The following LINGO1 variants were observed in gnomAD, a reference collection of about 807,000 sequenced individuals.
LINGO1 encodes leucine rich repeat and Ig domain containing 1, also known as leucine-rich repeat and immunoglobulin-like domain-containing nogo receptor-interacting protein 1.
A neutral mutation model predicts 37.3 loss-of-function variants in LINGO1; 11 were observed. That is an observed-to-expected ratio of 0.29 (90% CI 0.19 to 0.49). The LOEUF (loss-of-function observed/expected upper bound fraction) is 0.49. Among genes scored for constraint, LINGO1 ranks in the 20% least tolerant of loss-of-function variants. The probability of loss-of-function intolerance (pLI) is 0.99; values close to 1 mark genes in which losing one functional copy is unlikely to be tolerated. For synonymous variants in LINGO1, 387 were observed against 403.0 expected (o/e 0.96, Z 0.48); for missense variants, 585 against 878.2 (o/e 0.67, Z 4.22).
chr15:77,717,911 A>G (rs1397159606), intron 2 of LINGO1, among the ~76,000 whole-genome samples: 1 of 150,978 alleles, frequency 6.6e-6, no homozygotes, highest in Non-Finnish European at 1.5e-5. Context: ...CTGCTCCATC[A>G]TCAGCTCATC....
intron 1 of LINGO1, among the ~76,000 whole-genome samples, chr15:77,752,306 CTT>C (rs1442537874): frequency 2.0e-5 from 3 of 152,244 alleles, no homozygotes; most frequent in African/African-American, 7.2e-5. Flanking sequence ...ACAGTAAAGA[CTT>C]TTGTCCTAAA....
intron 1 of LINGO1, among the ~76,000 whole-genome samples, chr15:77,691,727 T>C (rs974687136): frequency 6.6e-6 from 1 of 151,940 alleles, no homozygotes; most frequent in Non-Finnish European, 1.5e-5. Flanking sequence ...ACGACAGAGA[T>C]GACGGAGCAA....
intron 2 of LINGO1, among the ~76,000 whole-genome samples, chr15:77,733,011 T>A (rs1017092447): frequency 2.0e-5 from 3 of 152,180 alleles, no homozygotes; most frequent in African/African-American, 7.2e-5. Flanking sequence ...CTGAATGGCA[T>A]CCCTTCCACT....
At chr15:77,775,833 G>A (rs1345573161) in intron 1 of LINGO1, among the ~76,000 whole-genome samples, 6 of 152,156 alleles carry the variant, frequency 3.9e-5, no homozygotes, top group African/African-American at 1.2e-4. Flanking sequence ...CCAGAGGCTG[G>A]AGGGTCTCCC....
At chr15:77,776,230 T>C (rs1313176206) in intron 1 of LINGO1, among the ~76,000 whole-genome samples, 2 of 149,812 alleles carry the variant, frequency 1.3e-5, no homozygotes, top group South Asian at 2.2e-4. Flanking sequence ...CCTGAATACA[T>C]TGCTGTTCCC....
intron 1 of LINGO1, among the ~76,000 whole-genome samples, chr15:77,627,432 C>A (rs1050878463): frequency 1.3e-5 from 2 of 152,136 alleles, no homozygotes; most frequent in Non-Finnish European, 2.9e-5. Flanking sequence ...CCTGCAATGC[C>A]CCGGAGTCAC....
chr15:77,740,848 AAGG>A (rs772659520), intron 1 of LINGO1, among the ~76,000 whole-genome samples: 2 of 152,146 alleles, frequency 1.3e-5, no homozygotes, highest in African/African-American at 4.8e-5. Context: ...CCAGGAGGAG[AAGG>A]AGAAGCTGAG....
At chr15:77,752,819 C>T (rs2076385268) in intron 1 of LINGO1, among the ~76,000 whole-genome samples, 1 of 152,216 alleles carries the variant, frequency 6.6e-6, no homozygotes, top group Non-Finnish European at 1.5e-5. Flanking sequence ...CCCAGGCTCA[C>T]TGCCACCAGC....
intron 1 of LINGO1, among the ~76,000 whole-genome samples, chr15:77,816,034 T>C (rs941748143): frequency 2.6e-5 from 4 of 152,208 alleles, no homozygotes; most frequent in Non-Finnish European, 5.9e-5. Flanking sequence ...TTCACTCATT[T>C]AGTCAACAAT....
chr15:77,725,242 T>C (rs370963752), intron 2 of LINGO1, among the ~76,000 whole-genome samples: 1 of 152,194 alleles, frequency 6.6e-6, no homozygotes, highest in African/African-American at 2.4e-5. Flanking sequence ...TCGGTACTTA[T>C]TCTCCACAGA....
At position 77,766,588 on chromosome 15, in the gene LINGO1, T is replaced by C. The variant is rs868427234; in HGVS notation, c.-257+20281A>G. 5.3e-5 allele frequency among the ~76,000 whole-genome samples: 8 copies of C among 152,270 alleles called. 1 individual carries two copies. In the Middle Eastern group the frequency reaches 0.02, roughly 388 times the overall value. ...TTGGATCATGAGGATGGCTCCCCCT[T>C]CATTCTCGTGAAGTGAGTGCGTTCT... On this transcript the variant is annotated intron_variant, in intron 1 of 3. Coordinates refer to the LINGO1 transcript ENST00000561686.
chr15:77,762,688 T>C (rs1003905212), intron 1 of LINGO1, among the ~76,000 whole-genome samples: 1 of 152,100 alleles, frequency 6.6e-6, no homozygotes, highest in Non-Finnish European at 1.5e-5. Flanking sequence ...GCCTCCTATC[T>C]ATCTGGTGAA....
intron 2 of LINGO1, among the ~76,000 whole-genome samples, chr15:77,683,346 G>A (rs928488977): frequency 6.6e-6 from 1 of 152,128 alleles, no homozygotes; most frequent in Admixed American, 6.5e-5. Flanking sequence ...CCTTCACCCC[G>A]GCCACTCGCA....
At chr15:77,798,750 C>T (rs1350826226) in intron 1 of LINGO1, among the ~76,000 whole-genome samples, 1 of 152,228 alleles carries the variant, frequency 6.6e-6, no homozygotes, top group Non-Finnish European at 1.5e-5. Flanking sequence ...CCTCTTGGCT[C>T]CTTGCCACCC....
intron 3 of LINGO1, among the ~76,000 whole-genome samples, chr15:77,663,277 T>C (rs1195559353): frequency 6.8e-6 from 1 of 147,104 alleles, no homozygotes. Context: ...TTGGTGTCTA[T>C]CAGTGGTCGG....
rs1468504071 is a variant in LINGO1 at position 77,632,707 on chromosome 15, G to A, written c.-392C>T. Among the ~76,000 whole-genome samples, 1 of 145,726 alleles carries A rather than the reference G, an allele frequency of 6.9e-6. No homozygotes were observed. The highest frequency in any genetic ancestry group is 1.5e-5 in the Non-Finnish European group (1 of 65,646). Reference sequence around the variant, plus strand: ...GCGCTCCGCCGCGGGGCCGGGGCCGGCGGGCAGCGGCCGCGCATGCTGCTC... The same window carrying A: ...GCGCTCCGCCGCGGGGCCGGGGCCGACGGGCAGCGGCCGCGCATGCTGCTC... On this transcript the variant is annotated 5_prime_UTR_variant, in exon 1 of 2. Transcript: ENST00000355300. This position sits in a 1 kb window ranked among gnomAD's most constrained non-coding sequence, Gnocchi z 6.0.
chr15:77,684,832 G>A (rs2075476545), intron 2 of LINGO1, among the ~76,000 whole-genome samples: 2 of 152,150 alleles, frequency 1.3e-5, no homozygotes, highest in African/African-American at 4.8e-5. Context: ...AGGAAGCTAG[G>A]GCAAAGAGAC....
chr15:77,729,268 C>A (rs1417922985), intron 2 of LINGO1, among the ~76,000 whole-genome samples: 1 of 152,226 alleles, frequency 6.6e-6, no homozygotes, highest in Non-Finnish European at 1.5e-5. Flanking sequence ...GCCCCAAGGG[C>A]TGAGCTAGGC....
intron 1 of LINGO1, among the ~76,000 whole-genome samples, chr15:77,781,192 G>A (rs540489849): frequency 3.3e-5 from 5 of 152,314 alleles, no homozygotes; most frequent in South Asian, 2.1e-4. Context: ...AAGTCCAGCC[G>A]GTTCCCTGAA....
Sources: allele counts gnomAD v4.1 joint callset (sites outside exome capture counted in the v4.1 genomes callset), GRCh38; gene constraint gnomAD v4.1.1; non-coding constraint Gnocchi (gnomAD v3.1); transcripts MANE v1.5; gene names NCBI Gene and HGNC (gene_info 2026-07-23, HGNC 2026-07-21).